CNKSR2: variants seen among roughly 807,000 people sequenced by gnomAD.
The protein encoded by CNKSR2 is CNK homolog protein 2.
CNKSR2 carries 14 observed loss-of-function variants against 84.4 expected under a neutral mutation model. The ratio of observed to expected loss-of-function variants is 0.17; its 90% CI spans 0.11 to 0.26. The LOEUF (loss-of-function observed/expected upper bound fraction) is 0.26, where lower values mean the gene tolerates loss of function less well. Ranked by LOEUF, CNKSR2 falls within the 10% of genes least tolerant of loss-of-function variation. The pLI is 1.00. For missense variants in CNKSR2, 485 were observed against 771.2 expected (o/e 0.63, Z 4.40); for synonymous variants, 275 against 277.9 (o/e 0.99, Z 0.10).
intron 18 of CNKSR2, chrX:21,606,512 G>A (rs1320294246): frequency 3.2e-5 from 8 of 252,197 alleles, no homozygotes; most frequent in Non-Finnish European, 4.8e-5. Context: ...AGCTCATGCA[G>A]TACGTTCTTT....
At chrX:21,517,731 A>AGTT (rs1156760497) in intron 9 of CNKSR2, among the ~76,000 whole-genome samples, 1 of 111,390 alleles carries the variant, frequency 9.0e-6, no homozygotes. Flanking sequence ...AATTAAAAAA[A>AGTT]AATAGGCCCA....
intron 11 of CNKSR2, among the ~76,000 whole-genome samples, chrX:21,537,298 G>A (rs2091937343): frequency 9.0e-6 from 1 of 111,374 alleles, no homozygotes; most frequent in African/African-American, 3.3e-5. Context: ...GTCTATCCTG[G>A]AGAATGTTAT....
intron 1 of CNKSR2, among the ~76,000 whole-genome samples, chrX:21,394,774 T>C (rs2090098500): frequency 8.9e-6 from 1 of 112,041 alleles, no homozygotes; most frequent in Non-Finnish European, 1.9e-5. Flanking sequence ...ATAAAAGGTT[T>C]ATTATTATAC....
chrX:21,461,828 T>A (rs2147125415), intron 4 of CNKSR2, among the ~76,000 whole-genome samples: 1 of 112,076 alleles, frequency 8.9e-6, no homozygotes, highest in African/African-American at 3.2e-5. Context: ...GCACCTTTGT[T>A]GAAAATGAGT....
chrX:21,409,937 T>G (rs2090319568), intron 1 of CNKSR2, among the ~76,000 whole-genome samples: 1 of 111,497 alleles, frequency 9.0e-6, no homozygotes, highest in African/African-American at 3.3e-5. Flanking sequence ...GAAATATTTG[T>G]TAATTCTTGG....
chrX:21,407,285 T>C (rs1274872193), intron 1 of CNKSR2, among the ~76,000 whole-genome samples: 2 of 111,552 alleles, frequency 1.8e-5, no homozygotes, highest in East Asian at 5.6e-4. Context: ...TAATTAAGTA[T>C]TCATTAACTG....
chrX:21,595,606 C>G (rs758637702), intron 17 of CNKSR2, among the ~76,000 whole-genome samples: 22 of 111,002 alleles, frequency 2.0e-4, no homozygotes, highest in Admixed American at 1.9e-4. Flanking sequence ...GTCAAGTTTA[C>G]CAAGACCATA....
chrX:21,379,204 T>C (rs1047356814), intron 1 of CNKSR2, among the ~76,000 whole-genome samples: 1 of 112,957 alleles, frequency 8.9e-6, no homozygotes. Context: ...TACAATACTC[T>C]TTAGTAATTC....
chrX:21,492,427 T>G (rs1015304569), intron 6 of CNKSR2: 3 of 111,380 alleles, frequency 2.7e-5, no homozygotes, highest in Non-Finnish European at 5.7e-5. Flanking sequence ...AATTTTCTCA[T>G]TTTGCAAATG....
chrX:21,626,244 T>TTA (rs1491482402), intron 20 of CNKSR2, among the ~76,000 whole-genome samples: 3 of 40,931 alleles, frequency 7.3e-5, no homozygotes, highest in Non-Finnish European at 1.6e-4. Context: ...TTCTAGGTGG[T>TTA]AAAAAAAAAA....
At chrX:21,432,836 A>G in intron 3 of CNKSR2, 22 bp downstream of exon 3, 1 of 1,191,979 alleles carries the variant, frequency 8.4e-7, no homozygotes, top group Non-Finnish European at 1.1e-6. Flanking sequence ...CGCATGTTTC[A>G]TAAGTATCCT....
chrX:21,616,117 G>A (rs920883314), intron 20 of CNKSR2, among the ~76,000 whole-genome samples: 1 of 111,307 alleles, frequency 9.0e-6, no homozygotes, highest in Non-Finnish European at 1.9e-5. Flanking sequence ...ATCCTTTCCT[G>A]ACAACCCAGT....
intron 8 of CNKSR2, chrX:21,504,225 A>G (rs1385346790): frequency 9.0e-6 from 1 of 111,319 alleles, no homozygotes; most frequent in Non-Finnish European, 1.9e-5. Context: ...CTCTTAATTG[A>G]AGCAAGTATA....
rs1456632984 is a variant in CNKSR2, at chrX:21,630,594, G to C, written c.2693-18237G>C. On this transcript the variant is annotated intron_variant, in intron 20 of 21. Coordinates refer to ENST00000379510, the MANE Select transcript of CNKSR2 (RefSeq NM_014927.5). ...CAGACCTAAGATTCAGACAGACATT[G>C]TGACAGCAGAGTGAACACTCTTAAT... 3.6e-5 allele frequency among the ~76,000 whole-genome samples: 4 copies of C among 110,496 alleles called. No individual in the cohort carries two copies. The East Asian group carries it at 1.1e-3, about 31-fold the overall frequency.
At chrX:21,542,369 G>T (rs764150535) in intron 11 of CNKSR2, among the ~76,000 whole-genome samples, 4 of 112,069 alleles carry the variant, frequency 3.6e-5, no homozygotes, top group African/African-American at 1.3e-4. Context: ...GATAATATCT[G>T]CCTTGTAGAG....
At chrX:21,574,701 G>A (rs186076701) in intron 13 of CNKSR2, among the ~76,000 whole-genome samples, 1 of 111,310 alleles carries the variant, frequency 9.0e-6, no homozygotes, top group African/African-American at 3.3e-5. Flanking sequence ...TTGGGTGGGG[G>A]CACAGCCAAA....
intron 20 of CNKSR2, chrX:21,641,576 C>T (rs775576117): frequency 8.5e-7 from 1 of 1,173,044 alleles, no homozygotes; most frequent in Non-Finnish European, 1.1e-6. Flanking sequence ...CATGCCAAAT[C>T]GGATCCACTT....
intron 8 of CNKSR2, chrX:21,506,815 C>G (rs778058111): frequency 9.0e-6 from 1 of 110,827 alleles, no homozygotes; most frequent in African/African-American, 3.3e-5. Flanking sequence ...TCAGTGTCAA[C>G]GTGGTTACTA....
Position 21,587,943 on chromosome X carries a change from G to A in CNKSR2, c.1609-2629G>A, listed in dbSNP as rs140503053. ...ACAGCAGGAACCTACAGACAGATCA[G>A]TAAGGAAAAAAGACACCTGTGGAAT... On this transcript the variant is annotated intron_variant, in intron 13 of 21. Transcript: ENST00000379510. Among the ~76,000 whole-genome samples, 9 of 111,441 alleles carry A rather than the reference G, an allele frequency of 8.1e-5. No homozygotes were observed. In the East Asian group the frequency reaches 2.3e-3, roughly 28 times the overall value.
Sources: allele counts gnomAD v4.1 joint callset (sites outside exome capture counted in the v4.1 genomes callset), GRCh38; gene constraint gnomAD v4.1.1; transcripts MANE v1.5; gene names NCBI Gene and HGNC (gene_info 2026-07-23, HGNC 2026-07-21).